ADAP2: variants seen among roughly 807,000 people sequenced by gnomAD.
The protein encoded by ADAP2 is ArfGAP with dual PH domains 2.
ADAP2 carries 42 observed loss-of-function variants against 54.9 expected under a neutral mutation model. The ratio of observed to expected loss-of-function variants is 0.77; its 90% CI spans 0.60 to 0.99. ADAP2 has a LOEUF of 0.99. Ranked by LOEUF, ADAP2 falls within the 50% of genes least tolerant of loss-of-function variation. The pLI is 0.00. For synonymous variants in ADAP2, 177 were observed against 180.1 expected (o/e 0.98, Z 0.14); for missense variants, 429 against 480.4 (o/e 0.89, Z 1.00).
chr17:30,931,112 A>T (rs1335917535), intron 3 of ADAP2, among the ~76,000 whole-genome samples: 1 of 152,170 alleles, frequency 6.6e-6, no homozygotes, highest in Non-Finnish European at 1.5e-5. Flanking sequence ...GGGCAGGTAC[A>T]GGAAGAGGCT....
Position 30,941,724 on chromosome 17 carries a change from A to G in ADAP2, c.511-3183A>G, listed in dbSNP as rs115108137. ...TATTATATGATCTCATTTATATGAA[A>G]TTTTAGAACAGGCAAAACTGTACTG... On this transcript the variant is annotated intron_variant, in intron 5 of 10. Coordinates refer to ENST00000330889, the MANE Select transcript of ADAP2 (RefSeq NM_018404.3). 9.3e-3 allele frequency among the ~76,000 whole-genome samples: 1,414 copies of G among 152,250 alleles called. 16 individuals are homozygous for G. Among genetic ancestry groups the G allele is most frequent in the African/African-American group, 0.032 (1,311 of 41,536 alleles).
chr17:30,937,734 G>C (rs1448411394), intron 5 of ADAP2, among the ~76,000 whole-genome samples: 1 of 152,200 alleles, frequency 6.6e-6, no homozygotes, highest in Non-Finnish European at 1.5e-5. Flanking sequence ...GATTGGATGT[G>C]GGGTGTGAGA....
Position 30,934,198 on chromosome 17 carries a change from A to T in ADAP2, c.411A>T (p.Gly137=). The change falls in exon 5 of 11, where the codon GGA becomes GGT. Residue 137 remains glycine (G), a synonymous_variant. Transcript: ENST00000330889. ...ETISLPGNRE[G]FLWKRGRDNS... is the part of the protein sequence containing the mutation. ...TTGCTGCTTAAGGTAACCGAGAAGG[A>T]TTCCTGTGGAAGCGAGGAAGGGACA... 1 of 1,614,058 alleles carries T rather than the reference A, an allele frequency of 6.2e-7. No individual in the cohort carries two copies. Among genetic ancestry groups the T allele is most frequent in the Non-Finnish European group, 8.5e-7 (1 of 1,179,938 alleles).
chr17:30,943,804 G>A (rs575215284), intron 5 of ADAP2, among the ~76,000 whole-genome samples: 25 of 151,734 alleles, frequency 1.6e-4, no homozygotes, highest in Admixed American at 1.3e-3. Flanking sequence ...CTCAGATCAC[G>A]CCATTGCACT....
chr17:30,938,533 A>G (rs1396843394), intron 5 of ADAP2, among the ~76,000 whole-genome samples: 1 of 152,198 alleles, frequency 6.6e-6, no homozygotes, highest in Non-Finnish European at 1.5e-5. Flanking sequence ...GGTGAGCGCC[A>G]TCTTTGGAGA....
intron 7 of ADAP2, among the ~76,000 whole-genome samples, chr17:30,949,748 C>CA (rs34131343): frequency 0.32 from 19,490 of 61,206 alleles, 4,476 homozygotes; most frequent in African/African-American, 0.64. Context: ...GACTCCGTCT[C>CA]AAAAAAAAAA....
At chr17:30,952,173 G>A (rs1056575398) in intron 7 of ADAP2, among the ~76,000 whole-genome samples, 5 of 152,114 alleles carry the variant, frequency 3.3e-5, no homozygotes, top group African/African-American at 9.7e-5. Context: ...ATCTCTGGGC[G>A]TAGGCTGCCA....
intron 5 of ADAP2, among the ~76,000 whole-genome samples, chr17:30,942,065 C>G (rs945773526): frequency 3.3e-5 from 5 of 151,962 alleles, no homozygotes; most frequent in Non-Finnish European, 7.4e-5. Flanking sequence ...ACCACCACTC[C>G]CAGCTAATTT....
In ADAP2 at chr17:30,926,868, C is replaced by T. The variant is rs529826184; in HGVS notation, c.267C>T (p.Phe89=). 41 of 1,614,204 alleles carry T rather than the reference C, an allele frequency of 2.5e-5. 1 individual carries two copies. In the South Asian group the frequency reaches 3.7e-4, roughly 15 times the overall value. The change falls in exon 3 of 11, where the codon TTC becomes TTT. Residue 89 remains phenylalanine, a synonymous_variant. Coordinates refer to ENST00000330889, the MANE Select transcript of ADAP2 (RefSeq NM_018404.3). ...HNGNLRVKAK[F]EARVPAFYYI... ...GAAACCTCCGTGTGAAGGCCAAGTTCGAAGCCAGAGTCCCAGCTTTCTACT... is the reference window on the plus strand; with the variant it reads ...GAAACCTCCGTGTGAAGGCCAAGTTTGAAGCCAGAGTCCCAGCTTTCTACT...
intron 6 of ADAP2, 73 bp downstream of exon 6, chr17:30,945,126 C>A: frequency 6.5e-7 from 1 of 1,534,960 alleles, no homozygotes. Context: ...CTCACCACCT[C>A]CCCTGCTCAC....
At chr17:30,931,560 G>T (rs1567716200) in intron 3 of ADAP2, among the ~76,000 whole-genome samples, 1 of 152,040 alleles carries the variant, frequency 6.6e-6, no homozygotes, top group Non-Finnish European at 1.5e-5. Flanking sequence ...TCCAGGCATG[G>T]TGGTAATCCC....
At chr17:30,944,876 C>A in intron 5 of ADAP2, 31 bp from the exon 6 acceptor site, 1 of 1,608,574 alleles carries the variant, frequency 6.2e-7, no homozygotes, top group South Asian at 1.1e-5. Context: ...TGTGGACTGT[C>A]AGCGTCTTTC....
At chr17:30,922,144 C>G (rs12944085) in intron 1 of ADAP2, 36 bp downstream of exon 1, 2 of 1,215,282 alleles carry the variant, frequency 1.6e-6, no homozygotes, top group Non-Finnish European at 2.1e-6. Context: ...GCGAGACCCC[C>G]GGCCGGACCC....
chr17:30,931,596 G>A (rs559389958), intron 3 of ADAP2, among the ~76,000 whole-genome samples: 2 of 152,198 alleles, frequency 1.3e-5, no homozygotes, highest in South Asian at 2.1e-4. Flanking sequence ...TGAGGCAGGA[G>A]GATCGCTTGA....
Position 30,943,961 on chromosome 17 carries a change from C to T in ADAP2, c.511-946C>T, listed in dbSNP as rs567605168. ...ATCCCAGCACTTTGGGAGGCCGAGGCGGGCAGATCACCTGAGGTCAGGAGT... is the reference window on the plus strand; with the variant it reads ...ATCCCAGCACTTTGGGAGGCCGAGGTGGGCAGATCACCTGAGGTCAGGAGT... On this transcript the variant is annotated intron_variant, in intron 5 of 10. Coordinates refer to ENST00000330889, the MANE Select transcript of ADAP2 (RefSeq NM_018404.3). Among the ~76,000 whole-genome samples the T allele has an allele frequency of 8.3e-4, 126 of 152,086 alleles. 1 individual carries two copies. Among genetic ancestry groups the T allele is most frequent in the Non-Finnish European group, 1.6e-3 (107 of 68,002 alleles).
intron 5 of ADAP2, among the ~76,000 whole-genome samples, chr17:30,943,065 T>C (rs929335642): frequency 6.6e-6 from 1 of 152,180 alleles, no homozygotes; most frequent in East Asian, 1.9e-4. Context: ...CCCAAAGCAA[T>C]AGAAATAATT....
intron 9 of ADAP2, 145 bp from the exon 10 acceptor site, chr17:30,956,096 C>A: frequency 1.5e-6 from 1 of 655,904 alleles, no homozygotes; most frequent in Non-Finnish European, 2.6e-6. Context: ...GGGTTTTGAT[C>A]TTTCAAATTC....
chr17:30,944,322 T>C (rs1912492140), intron 5 of ADAP2, among the ~76,000 whole-genome samples: 1 of 151,838 alleles, frequency 6.6e-6, no homozygotes, highest in South Asian at 2.1e-4. Context: ...AGCTAAACAT[T>C]GAGTACACAT....
intron 7 of ADAP2, among the ~76,000 whole-genome samples, chr17:30,951,002 C>T (rs1032436164): frequency 5.3e-5 from 8 of 152,188 alleles, no homozygotes; most frequent in Non-Finnish European, 1.0e-4. Flanking sequence ...ATATCCATCC[C>T]GTGTCTTTCC....
Sources: gnomAD v4.1 joint callset for allele counts (sites outside exome capture counted in the v4.1 genomes callset) on GRCh38, gnomAD v4.1.1 for gene constraint, MANE v1.5 for transcripts, NCBI Gene and HGNC (gene_info 2026-07-23, HGNC 2026-07-21) for gene names.